Variants in OR1J2 observed in about 807,000 individuals in gnomAD.
OR1J2 encodes olfactory receptor family 1 subfamily J member 2, also known as olfactory receptor 1J2.
For synonymous variants in OR1J2, 142 were observed against 99.7 expected (o/e 1.42, Z -2.52); for missense variants, 304 against 246.1 (o/e 1.24, Z -1.57).
the OR1J2 span, among the ~76,000 whole-genome samples, chr9:122,452,559 C>T: frequency 1.3e-5 from 2 of 152,144 alleles, no homozygotes; most frequent in African/African-American, 4.8e-5. Flanking sequence ...TATTGACAAG[C>T]AAGATGCTGA....
chr9:122,576,065 C>A, the OR1J2 span, among the ~76,000 whole-genome samples: 1 of 152,164 alleles, frequency 6.6e-6, no homozygotes, highest in Non-Finnish European at 1.5e-5. Context: ...ATGGAAAGAT[C>A]TACTTCTTTA....
At chr9:122,476,479 GCAAA>G in the OR1J2 span, among the ~76,000 whole-genome samples, 1 of 152,120 alleles carries the variant, frequency 6.6e-6, no homozygotes, top group Non-Finnish European at 1.5e-5. Flanking sequence ...CAAGAAAAGA[GCAAA>G]CAAAGTCCTA....
At chr9:122,481,227 A>G in the OR1J2 span, among the ~76,000 whole-genome samples, 1 of 152,238 alleles carries the variant, frequency 6.6e-6, no homozygotes, top group Non-Finnish European at 1.5e-5. Flanking sequence ...TTTGCTAAGC[A>G]TAATGGACTT....
the OR1J2 span, among the ~76,000 whole-genome samples, chr9:122,536,198 G>A: frequency 3.3e-5 from 5 of 152,166 alleles, no homozygotes; most frequent in Non-Finnish European, 5.9e-5. Flanking sequence ...TGAACTTTCT[G>A]TGTAAATGCA....
At chr9:122,557,179 A>C in the OR1J2 span, among the ~76,000 whole-genome samples, 1 of 152,132 alleles carries the variant, frequency 6.6e-6, no homozygotes, top group African/African-American at 2.4e-5. Flanking sequence ...GAAAATAAAG[A>C]CAGTTTTATT....
the OR1J2 span, among the ~76,000 whole-genome samples, chr9:122,450,613 T>G: frequency 1.9e-3 from 288 of 152,344 alleles, 1 homozygote; most frequent in African/African-American, 6.7e-3. Flanking sequence ...ATCTAAAATC[T>G]ACTCTTTCAG....
the OR1J2 span, chr9:122,526,598 C>T: frequency 3.1e-6 from 5 of 1,614,096 alleles, no homozygotes; most frequent in Admixed American, 1.7e-5. Flanking sequence ...AGGCCTTGCC[C>T]ACCCCACCAC....
At chr9:122,466,281 C>G in the OR1J2 span, among the ~76,000 whole-genome samples, 1 of 152,124 alleles carries the variant, frequency 6.6e-6, no homozygotes, top group African/African-American at 2.4e-5. Context: ...TTCCTGAAAC[C>G]TGAGATGAAT....
At chr9:122,449,615 C>T in the OR1J2 span, among the ~76,000 whole-genome samples, 4 of 152,116 alleles carry the variant, frequency 2.6e-5, no homozygotes, top group South Asian at 2.1e-4. Flanking sequence ...GTGATCCTTC[C>T]GCCTCGGCCT....
the OR1J2 span, among the ~76,000 whole-genome samples, chr9:122,570,480 T>A: frequency 6.6e-6 from 1 of 152,246 alleles, no homozygotes; most frequent in Admixed American, 6.5e-5. Flanking sequence ...ATTTTTCTTG[T>A]AAGTTACTAA....
chr9:122,512,857 G>T (rs899009327), downstream of OR1J2, among the ~76,000 whole-genome samples: 2 of 152,156 alleles, frequency 1.3e-5, no homozygotes, highest in African/African-American at 4.8e-5. Context: ...AAAATGCTCT[G>T]ATTTTCCTTG....
chr9:122,487,044 T>C, the OR1J2 span, among the ~76,000 whole-genome samples: 1 of 151,738 alleles, frequency 6.6e-6, no homozygotes, highest in South Asian at 2.1e-4. Context: ...AAAAAACAAA[T>C]AAGACCCTGG....
At chr9:122,520,995 G>A in the OR1J2 span, among the ~76,000 whole-genome samples, 1 of 152,236 alleles carries the variant, frequency 6.6e-6, no homozygotes, top group Non-Finnish European at 1.5e-5. Context: ...GTAGCTGCAA[G>A]AGAAGAATAT....
the OR1J2 span, chr9:122,520,162 A>G: frequency 5.0e-6 from 5 of 1,004,738 alleles, no homozygotes; most frequent in African/African-American, 6.4e-5. Context: ...CCAGCAAGGG[A>G]TAAGTGCTCA....
At chr9:122,571,411 A>T in the OR1J2 span, among the ~76,000 whole-genome samples, 8 of 151,998 alleles carry the variant, frequency 5.3e-5, no homozygotes, top group African/African-American at 1.9e-4. Flanking sequence ...TTAGCCAGGC[A>T]TGGTGGCGGG....
At chr9:122,493,430 G>A in the OR1J2 span, among the ~76,000 whole-genome samples, 1 of 152,054 alleles carries the variant, frequency 6.6e-6, no homozygotes, top group Non-Finnish European at 1.5e-5. Context: ...GTTTAACCTA[G>A]GAGGGTTGTA....
At chr9:122,531,100 T>C in the OR1J2 span, among the ~76,000 whole-genome samples, 3 of 152,102 alleles carry the variant, frequency 2.0e-5, no homozygotes, top group African/African-American at 7.2e-5. Flanking sequence ...GGAGAGATAA[T>C]GGGCGATGTT....
At chr9:122,532,904 GGGAGAGCACGT>G in the OR1J2 span, among the ~76,000 whole-genome samples, 1 of 152,092 alleles carries the variant, frequency 6.6e-6, no homozygotes, top group Non-Finnish European at 1.5e-5. Flanking sequence ...ACGATCAGCA[GGGAGAGCACGT>G]GTGTTTTTAT....
At chr9:122,505,399 A>G in the OR1J2 span, among the ~76,000 whole-genome samples, 1 of 152,110 alleles carries the variant, frequency 6.6e-6, no homozygotes, top group Non-Finnish European at 1.5e-5. Flanking sequence ...CGCTGTCATG[A>G]TAACCTATTA....
Sources: allele counts gnomAD v4.1 joint callset (sites outside exome capture counted in the v4.1 genomes callset), GRCh38; gene constraint gnomAD v4.1.1; transcripts MANE v1.5; gene names NCBI Gene and HGNC (gene_info 2026-07-23, HGNC 2026-07-21).